ULK4: variants seen among roughly 807,000 people sequenced by gnomAD.
The protein encoded by ULK4 is inactive serine/threonine-protein kinase ULK4.
A neutral mutation model predicts 160.6 loss-of-function variants in ULK4; 133 were observed. The ratio of observed to expected loss-of-function variants is 0.83; its 90% CI spans 0.72 to 0.96. ULK4 has a LOEUF of 0.96. Among genes scored for constraint, ULK4 ranks in the 40% least tolerant of loss-of-function variants. The probability of loss-of-function intolerance (pLI) is 0.00; values close to 1 mark genes in which losing one functional copy is unlikely to be tolerated. For missense variants in ULK4, 1,580 were observed against 1,499.5 expected (o/e 1.05, Z -0.89); for synonymous variants, 534 against 539.8 (o/e 0.99, Z 0.15).
intron 34 of ULK4, among the ~76,000 whole-genome samples, chr3:41,412,667 T>G (rs2082433071): frequency 6.6e-6 from 1 of 150,900 alleles, no homozygotes; most frequent in African/African-American, 2.4e-5. Flanking sequence ...TTCAAGTGAT[T>G]CTCATGCTTC....
intron 32 of ULK4, among the ~76,000 whole-genome samples, chr3:41,564,133 C>A (rs1575420699): frequency 2.6e-5 from 4 of 152,304 alleles, no homozygotes; most frequent in Admixed American, 2.6e-4. Flanking sequence ...AGCTGCAGGT[C>A]TGTTGGAGTT....
chr3:41,648,260 G>A (rs1349052067), intron 30 of ULK4, among the ~76,000 whole-genome samples: 1 of 152,136 alleles, frequency 6.6e-6, no homozygotes, highest in Non-Finnish European at 1.5e-5. Flanking sequence ...ACCTCAGATG[G>A]AAATGCAGAA....
chr3:41,585,346 G>C (rs2030713066), intron 31 of ULK4, among the ~76,000 whole-genome samples: 2 of 152,140 alleles, frequency 1.3e-5, no homozygotes, highest in Admixed American at 1.3e-4. Flanking sequence ...GAACGAAACA[G>C]AGAGCCCAGA....
chr3:41,760,696 T>C (rs1235300072), intron 21 of ULK4, among the ~76,000 whole-genome samples: 1 of 152,184 alleles, frequency 6.6e-6, no homozygotes, highest in African/African-American at 2.4e-5. Flanking sequence ...GAAACATAAA[T>C]ATTGTGCTTA....
At chr3:41,615,858 A>G (rs1000487979) in intron 30 of ULK4, 141 bp from the exon 31 acceptor site, 2 of 779,684 alleles carry the variant, frequency 2.6e-6, no homozygotes, top group Non-Finnish European at 4.0e-6. Context: ...CATTCTTTTT[A>G]AGACACTGAA....
chr3:41,606,551 T>C (rs1048887024), intron 31 of ULK4, among the ~76,000 whole-genome samples: 1 of 152,042 alleles, frequency 6.6e-6, no homozygotes, highest in African/African-American at 2.4e-5. Flanking sequence ...CTTCATACCA[T>C]TTTCTATAAT....
At chr3:41,495,849 C>G (rs2084969839) in intron 32 of ULK4, among the ~76,000 whole-genome samples, 1 of 151,844 alleles carries the variant, frequency 6.6e-6, no homozygotes, top group Non-Finnish European at 1.5e-5. Flanking sequence ...CACTGGCCAT[C>G]AGAGAAATGC....
intron 21 of ULK4, among the ~76,000 whole-genome samples, chr3:41,773,728 G>C (rs149185725): frequency 3.7e-4 from 57 of 152,228 alleles, no homozygotes; most frequent in African/African-American, 1.3e-3. Context: ...CGACTTTCAA[G>C]TTCATATGGA....
rs1196500515 is a variant in ULK4 at position 41,938,166 on chromosome 3, T to A, written c.170A>T (p.Asn57Ile). Residue 57 changes from asparagine to isoleucine, a missense_variant, in exon 3 of 37, where the codon AAT (asparagine) becomes ATT (isoleucine). Transcript: ENST00000301831. ...ATACCATTCATGAAAAGTTACAATA[T>A]TCTTGTGTTTTATTTCACGGGTGAG... ...VRLTREIKHK[N>I]IVTFHEWYET... The A allele has an allele frequency of 2.5e-6, 4 of 1,613,272 alleles. No homozygotes were observed. In the Admixed American group the frequency reaches 5.0e-5, roughly 20 times the overall value.
intron 22 of ULK4, among the ~76,000 whole-genome samples, chr3:41,751,975 C>G (rs2038646808): frequency 2.0e-5 from 3 of 152,128 alleles, no homozygotes; most frequent in African/African-American, 7.2e-5. Flanking sequence ...AGGGCAAGAA[C>G]TAGACAAGGC....
At chr3:41,629,388 G>A (rs1222687144) in intron 30 of ULK4, among the ~76,000 whole-genome samples, 1 of 152,158 alleles carries the variant, frequency 6.6e-6, no homozygotes, top group Non-Finnish European at 1.5e-5. Context: ...ATGCAGCTTG[G>A]CCTCTCTCTG....
At chr3:41,457,274 A>G (rs1288181630) in intron 33 of ULK4, among the ~76,000 whole-genome samples, 1 of 152,132 alleles carries the variant, frequency 6.6e-6, no homozygotes, top group Non-Finnish European at 1.5e-5. Flanking sequence ...CAAGCAAGGG[A>G]ATGGGGCCAC....
intron 18 of ULK4, among the ~76,000 whole-genome samples, chr3:41,832,018 A>G (rs1432696298): frequency 2.0e-5 from 3 of 152,144 alleles, no homozygotes; most frequent in Non-Finnish European, 2.9e-5. Flanking sequence ...ATACATGTGC[A>G]TATGTCTTTA....
At chr3:41,549,457 GA>G (rs1309736776) in intron 32 of ULK4, among the ~76,000 whole-genome samples, 1 of 151,930 alleles carries the variant, frequency 6.6e-6, no homozygotes, top group Non-Finnish European at 1.5e-5. Flanking sequence ...CAGAATTTTA[GA>G]AATTGAAGAA....
intron 34 of ULK4, among the ~76,000 whole-genome samples, chr3:41,445,625 AG>A (rs2083280375): frequency 6.6e-6 from 1 of 152,226 alleles, no homozygotes; most frequent in South Asian, 2.1e-4. Context: ...AAATGGGGAA[AG>A]GATCCCCTAT....
intron 34 of ULK4, among the ~76,000 whole-genome samples, chr3:41,401,425 T>G (rs1457587580): frequency 6.6e-6 from 1 of 152,150 alleles, no homozygotes. Flanking sequence ...GCATGTTTAA[T>G]GAACTGGTAA....
intron 7 of ULK4, among the ~76,000 whole-genome samples, chr3:41,916,702 C>T (rs1009064652): frequency 2.5e-5 from 3 of 117,696 alleles, no homozygotes; most frequent in Admixed American, 1.1e-4. Flanking sequence ...TCAGCTCCAA[C>T]TATTTTTTTT....
intron 17 of ULK4, among the ~76,000 whole-genome samples, chr3:41,839,051 G>C (rs1184958063): frequency 1.3e-5 from 2 of 152,164 alleles, no homozygotes; most frequent in Admixed American, 6.6e-5. Flanking sequence ...CACAATTGCT[G>C]AAAGAGTAGA....
intron 32 of ULK4, among the ~76,000 whole-genome samples, chr3:41,476,555 T>C (rs144344082): frequency 2.0e-5 from 3 of 152,202 alleles, no homozygotes; most frequent in African/African-American, 7.2e-5. Context: ...GAAGAAGGCT[T>C]GTAACAATAT....
Sources: gnomAD v4.1 joint callset for allele counts (sites outside exome capture counted in the v4.1 genomes callset) on GRCh38, gnomAD v4.1.1 for gene constraint, MANE v1.5 for transcripts, NCBI Gene and HGNC (gene_info 2026-07-23, HGNC 2026-07-21) for gene names.